NUBPL: variants seen among roughly 807,000 people sequenced by gnomAD.
The protein encoded by NUBPL is iron-sulfur cluster transfer protein NUBPL.
Under a neutral mutation model 45.7 loss-of-function variants are expected in NUBPL, and 31 were observed. The observed-to-expected ratio is 0.68, with a 90% confidence interval of 0.51 to 0.92. The LOEUF (loss-of-function observed/expected upper bound fraction) is 0.92. Ranked by LOEUF, NUBPL falls within the 40% of genes least tolerant of loss-of-function variation. The pLI is 0.00. For missense variants in NUBPL, 401 were observed against 398.7 expected (o/e 1.01, Z -0.05); for synonymous variants, 144 against 140.9 (o/e 1.02, Z -0.15).
intron 3 of NUBPL, chr14:31,577,948 G>A: frequency 1.6e-6 from 2 of 1,288,942 alleles, no homozygotes; most frequent in Non-Finnish European, 2.0e-6. Context: ...GAGTGACCAT[G>A]ACTTTCACAA....
At chr14:31,829,606 T>G (rs1409241811) in intron 8 of NUBPL, among the ~76,000 whole-genome samples, 1 of 152,174 alleles carries the variant, frequency 6.6e-6, no homozygotes, top group East Asian at 1.9e-4. Context: ...GATGTTATGC[T>G]TTGTTTATAC....
intron 6 of NUBPL, among the ~76,000 whole-genome samples, chr14:31,708,747 C>T (rs942897973): frequency 2.0e-5 from 3 of 152,186 alleles, no homozygotes; most frequent in African/African-American, 7.2e-5. Context: ...AGGGTGATGA[C>T]ATGAGCTGGC....
chr14:31,619,149 C>T (rs760928941), intron 4 of NUBPL, among the ~76,000 whole-genome samples: 21 of 152,176 alleles, frequency 1.4e-4, no homozygotes, highest in Non-Finnish European at 2.9e-4. Context: ...AAATATTCCT[C>T]CCTCCCTTTA....
intron 3 of NUBPL, among the ~76,000 whole-genome samples, chr14:31,586,299 G>C (rs760403248): frequency 3.9e-5 from 6 of 151,986 alleles, no homozygotes; most frequent in Admixed American, 6.6e-5. Flanking sequence ...GCAGTTTGTG[G>C]GTATAAATAG....
At chr14:31,600,913 C>A (rs1016241225) in intron 4 of NUBPL, among the ~76,000 whole-genome samples, 2 of 151,628 alleles carry the variant, frequency 1.3e-5, no homozygotes, top group African/African-American at 4.9e-5. Flanking sequence ...TTTAATCCAT[C>A]TTGAATTAAT....
At chr14:31,708,120 A>G (rs752720135) in intron 6 of NUBPL, among the ~76,000 whole-genome samples, 1 of 152,214 alleles carries the variant, frequency 6.6e-6, no homozygotes, top group African/African-American at 2.4e-5. Context: ...ATATAGAGGA[A>G]TTACTGCCTC....
At chr14:31,712,755 A>T (rs2037605737) in intron 6 of NUBPL, among the ~76,000 whole-genome samples, 1 of 152,216 alleles carries the variant, frequency 6.6e-6, no homozygotes. Context: ...AAAACCAGTC[A>T]CTGAGAGAAT....
At chr14:31,578,478 G>C (rs1015065201) in intron 3 of NUBPL, among the ~76,000 whole-genome samples, 2 of 152,216 alleles carry the variant, frequency 1.3e-5, no homozygotes, top group Admixed American at 6.5e-5. Flanking sequence ...TGCACTATGT[G>C]AAAGGGCTTG....
chr14:31,759,510 A>C (rs1280735083), intron 6 of NUBPL, among the ~76,000 whole-genome samples: 1 of 152,150 alleles, frequency 6.6e-6, no homozygotes, highest in Non-Finnish European at 1.5e-5. Context: ...TGGAATAGCT[A>C]TATAAAGCTA....
At chr14:31,637,494 G>A (rs184945922) in intron 4 of NUBPL, among the ~76,000 whole-genome samples, 220 of 152,286 alleles carry the variant, frequency 1.4e-3, no homozygotes, top group Middle Eastern at 0.014. Flanking sequence ...TTGCTGAGGA[G>A]AGCTTTACTT....
chr14:31,822,497 T>C (rs2040034268), intron 7 of NUBPL, among the ~76,000 whole-genome samples: 1 of 152,144 alleles, frequency 6.6e-6, no homozygotes, highest in Non-Finnish European at 1.5e-5. Context: ...ACTTATATAC[T>C]ATACTAAACT....
intron 4 of NUBPL, among the ~76,000 whole-genome samples, chr14:31,640,841 T>G (rs1387151400): frequency 6.6e-6 from 1 of 152,214 alleles, no homozygotes. Context: ...TTCTTTATGC[T>G]AATAAGAACA....
intron 3 of NUBPL, among the ~76,000 whole-genome samples, chr14:31,588,361 C>T (rs1048329850): frequency 3.3e-5 from 5 of 152,116 alleles, no homozygotes; most frequent in Non-Finnish European, 7.4e-5. Flanking sequence ...TTAAGTTTCA[C>T]AAATTTGCAG....
At chr14:31,680,504 T>C (rs2036805403) in intron 6 of NUBPL, among the ~76,000 whole-genome samples, 1 of 152,130 alleles carries the variant, frequency 6.6e-6, no homozygotes, top group Non-Finnish European at 1.5e-5. Flanking sequence ...TTCTCCTTTA[T>C]TCTTTTTAAT....
chr14:31,639,499 G>A (rs563664436), intron 4 of NUBPL, among the ~76,000 whole-genome samples: 3 of 152,220 alleles, frequency 2.0e-5, no homozygotes, highest in Non-Finnish European at 2.9e-5. Flanking sequence ...CTACTGGGGG[G>A]TGCCTCCCAG....
chr14:31,634,031 G>A (rs368700158), intron 4 of NUBPL, among the ~76,000 whole-genome samples: 1 of 151,890 alleles, frequency 6.6e-6, no homozygotes, highest in South Asian at 2.1e-4. Context: ...AATATAAAAT[G>A]GTGGGCAATA....
intron 4 of NUBPL, among the ~76,000 whole-genome samples, chr14:31,613,518 C>T (rs575506288): frequency 2.1e-4 from 32 of 151,644 alleles, no homozygotes; most frequent in African/African-American, 7.3e-4. Flanking sequence ...GTGGTGCGAT[C>T]TCAGGTCACA....
chr14:31,621,737 C>T (rs147626268), intron 4 of NUBPL, among the ~76,000 whole-genome samples: 255 of 152,312 alleles, frequency 1.7e-3, no homozygotes, highest in African/African-American at 5.4e-3. Flanking sequence ...CTTATTCAGC[C>T]GTCTTGCCAG....
intron 3 of NUBPL, among the ~76,000 whole-genome samples, chr14:31,566,533 C>CT (rs796134887): frequency 4.6e-4 from 70 of 151,592 alleles, no homozygotes; most frequent in African/African-American, 1.6e-3. Flanking sequence ...TTCTTGAATT[C>CT]TTTTTTTTGT....
Sources: allele counts gnomAD v4.1 joint callset (sites outside exome capture counted in the v4.1 genomes callset), GRCh38; gene constraint gnomAD v4.1.1; transcripts MANE v1.5; gene names NCBI Gene and HGNC (gene_info 2026-07-23, HGNC 2026-07-21).